Variants in PLXNB3 observed in about 807,000 individuals in gnomAD.
The protein encoded by PLXNB3 is plexin B3.
Under a neutral mutation model 125.7 loss-of-function variants are expected in PLXNB3, and 80 were observed. The ratio of observed to expected loss-of-function variants is 0.64; its 90% CI spans 0.53 to 0.77. PLXNB3 has a LOEUF of 0.77. Among genes scored for constraint, PLXNB3 ranks in the 30% least tolerant of loss-of-function variants. PLXNB3 has a pLI of 0.00. For synonymous variants in PLXNB3, 954 were observed against 783.3 expected, an observed-to-expected ratio of 1.22 and a Z score of -3.64; for missense variants, 1,836 against 1,729.3, an observed-to-expected ratio of 1.06 and a Z score of -1.09.
Position 153,771,566 on chromosome X carries a change from T to C in PLXNB3, c.2428T>C (p.Cys810Arg), listed in dbSNP as rs782570237. 2 of 1,208,835 alleles carry C rather than the reference T, an allele frequency of 1.7e-6. No homozygotes were observed. Among genetic ancestry groups the C allele is most frequent in the Admixed American group, 4.3e-5 (2 of 46,033 alleles). Residue 810 changes from cysteine to arginine, a missense_variant, in exon 14 of 36, where the codon TGT becomes CGT. By Grantham distance (180) the Cys-to-Arg change is radical (BLOSUM62 -3). Coordinates refer to ENST00000361971, the MANE Select transcript of PLXNB3 (RefSeq NM_005393.3). Reference protein sequence around the residue: ...AANRSLGCLWCADGQPACRYG... With the variant: ...AANRSLGCLWRADGQPACRYG... ...CAACAGGAGCCTGGGCTGCCTGTGG[T>C]GTGCTGACGGCCAGCCTGCCTGTCG...
chrX:153,765,620 G>A (rs1557058899), intron 2 of PLXNB3, 40 bp downstream of exon 2: 3 of 1,173,161 alleles, frequency 2.6e-6, no homozygotes, highest in Non-Finnish European at 3.4e-6. Flanking sequence ...ATGTTCCTGG[G>A]AGGGGCAGGG....
rs1557059469 is a variant in PLXNB3, at chrX:153,767,014, C to T, written c.187C>T (p.Arg63Ter). 5 of 1,210,818 alleles carry T rather than the reference C, an allele frequency of 4.1e-6. No homozygotes were observed. Among genetic ancestry groups the T allele is most frequent in the Non-Finnish European group, 1.1e-6 (1 of 895,472 alleles). The change falls in exon 3 of 36, where the codon CGA becomes TGA. Residue 63 changes from arginine to a stop codon, truncating the protein, a stop_gained. Transcript: ENST00000361971. LOFTEE classifies it high-confidence loss of function. ...TLNHLALAPGRGTLYVGAVNR... is the reference protein window; with the variant it reads ...TLNHLALAPG ...CAACCACTTGGCACTGGCACCTGGC[C>T]GAGGCACACTCTATGTCGGCGCAGT...
In PLXNB3 at chrX:153,776,979, G is replaced by C. The variant is rs191126455; in HGVS notation, c.4926G>C (p.Glu1642Asp). Residue 1642 changes from glutamate (E) to aspartate (D), a missense_variant and splice_region_variant, in exon 29 of 36, where the codon GAG (glutamate) becomes GAC (aspartate). Coordinates refer to ENST00000361971, the MANE Select transcript of PLXNB3 (RefSeq NM_005393.3). ...TGGCCCAGAGGTGCCCCTTGGGAGA[G>C]AGTGAGTCCCTCGGCCCTGACCTGG... ...QSLAQRCPLG[E>D]NIPTLEDGEE... is the part of the protein sequence containing the mutation. 39 of 1,164,002 alleles carry C rather than the reference G, an allele frequency of 3.4e-5. No homozygotes were observed. In the African/African-American group the frequency reaches 6.2e-4, roughly 18 times the overall value.
At position 153,769,077 on chromosome X, in the gene PLXNB3, G is replaced by A. The variant is rs782313185; in HGVS notation, c.1395+1G>A. ...CCTCTATGTCCTGACTGCCCACCAG[G>A]TGAGGGCCATCCTGGGGCTGAAGGG... On this transcript the variant is annotated splice_donor_variant, in intron 5 of 35. Transcript: ENST00000361971. LOFTEE classifies it high-confidence loss of function. The A allele has an allele frequency of 4.1e-6, 5 of 1,208,649 alleles. No homozygotes were observed. The highest frequency in any genetic ancestry group is 1.8e-5 in the South Asian group (1 of 56,755).
In PLXNB3 at chrX:153,767,872, G is replaced by A. The variant is rs1557059939; in HGVS notation, c.1045G>A (p.Val349Met). ...RGPSGAEEAT[V>M]EYGVTSRCVT... ...CCCCAGCGGCGCAGAGGAAGCCACC[G>A]TGGAGTACGGCGTCACGTCGCGCTG... The change falls in exon 3 of 36, where the codon GTG becomes ATG. Residue 349 changes from valine to methionine, a missense_variant. Transcript: ENST00000361971. The A allele has an allele frequency of 3.5e-5, 39 of 1,117,427 alleles. No homozygotes were observed. Among genetic ancestry groups the A allele is most frequent in the Non-Finnish European group, 4.3e-5 (37 of 850,763 alleles). The allele number at this position is 1,117,427 out of a possible 1,213,427, so 92.1% of individuals were successfully genotyped here. A position where few individuals can be genotyped will look rare whatever the true frequency, so the allele number is the denominator to read the frequency against.
rs781955740 is a variant in PLXNB3, at chrX:153,774,826, G to T, written c.3931+20G>T. ...TCACAGGTGGGTGCGGAGGCGGGGG[G>T]ACAGGGTACCCACGAGGCCTGAACT... On this transcript the variant is annotated intron_variant, in intron 23 of 35. Coordinates refer to ENST00000361971, the MANE Select transcript of PLXNB3 (RefSeq NM_005393.3). The T allele has an allele frequency of 8.3e-6, 10 of 1,208,748 alleles. No homozygotes were observed. Among genetic ancestry groups the T allele is most frequent in the South Asian group, 1.8e-5 (1 of 56,688 alleles).
chrX:153,766,426 G>T, intron 2 of PLXNB3: 1 of 1,074,673 alleles, frequency 9.3e-7, no homozygotes. Flanking sequence ...GCAGGGGCGC[G>T]CTGTGACACA....
chrX:153,767,657 TGGA>T lies in PLXNB3; in HGVS notation c.833_835del (p.Glu278del). On this transcript the variant is annotated inframe_deletion, in exon 3 of 36. Coordinates refer to ENST00000361971, the MANE Select transcript of PLXNB3 (RefSeq NM_005393.3). ...GGGGACACCAACCTGTACTCCTACG[TGGA>T]GGTCCCCCTCGCCTGCCAGGGCCAG... 3 of 1,194,583 alleles carry T rather than the reference TGGA, an allele frequency of 2.5e-6. No individual in the cohort carries two copies. Among genetic ancestry groups the T allele is most frequent in the Non-Finnish European group, 3.4e-6 (3 of 886,904 alleles).
At chrX:153,778,230 ATGCCT>A in intron 32 of PLXNB3, 26 bp from the exon 33 acceptor site, 2 of 1,201,585 alleles carry the variant, frequency 1.7e-6, no homozygotes, top group Non-Finnish European at 2.3e-6. Context: ...CTCCGAGCTC[ATGCCT>A]AGCGCCTCCC....
rs781863406 is a variant in PLXNB3 at position 153,778,485 on chromosome X, C to CG, written c.5550+20dup. 10 of 1,204,850 alleles carry CG rather than the reference C, an allele frequency of 8.3e-6. No homozygotes were observed. Among genetic ancestry groups the CG allele is most frequent in the African/African-American group, 1.7e-5 (1 of 57,598 alleles). On this transcript the variant is annotated intron_variant, in intron 34 of 35. Coordinates refer to ENST00000361971, the MANE Select transcript of PLXNB3 (RefSeq NM_005393.3). ...GAGCTCTCCGGGGTGAGGCATGGCC[C>CG]GGGGGGTGCGCCTGTCCACACGTGG...
At chrX:153,772,698 G>C in intron 16 of PLXNB3, 188 bp from the exon 17 acceptor site, 1 of 1,027,908 alleles carries the variant, frequency 9.7e-7, no homozygotes, top group Non-Finnish European at 1.2e-6. Context: ...CCATGCGGCA[G>C]GGGTGGGTGG....
Position 153,777,609 on chromosome X carries a change from C to G in PLXNB3, c.5182C>G (p.Leu1728Val), listed in dbSNP as rs1375236498. Residue 1728 changes from leucine to valine, a missense_variant, in exon 31 of 36, where the codon CTG becomes GTG. Physicochemically the swap from Leu to Val is conservative, Grantham distance 32. Transcript: ENST00000361971. ...NRPIPIAVKY[L>V]FDLLDELAEK... ...GCCCATCCCCATCGCCGTCAAGTAC[C>G]TGTTTGACCTTCTGGATGAGCTAGC... 3 of 1,211,648 alleles carry G rather than the reference C, an allele frequency of 2.5e-6. No homozygotes were observed. Among genetic ancestry groups the G allele is most frequent in the Admixed American group, 2.2e-5 (1 of 46,150 alleles).
rs2091965769 is a variant in PLXNB3, at chrX:153,774,561, C to T, written c.3820C>T (p.Leu1274Phe). The change falls in exon 22 of 36, where the codon CTC (leucine) becomes TTC (phenylalanine). Residue 1274 changes from leucine to phenylalanine, a missense_variant. Leu to Phe is a conservative substitution (Grantham distance 22, BLOSUM62 0). Transcript: ENST00000361971. ...GATTGCCGCCGTGCTCCTCCTCACC[C>T]TCATGTACAGGTGAGACCCGCCCAC... The part of the protein sequence containing the change: ...VLIAAVLLLT[L>F]MYRHKSKQAL... The T allele has an allele frequency of 8.3e-7, 1 of 1,202,121 alleles. No individual in the cohort carries two copies. Among genetic ancestry groups the T allele is most frequent in the Non-Finnish European group, 1.1e-6 (1 of 890,317 alleles).
At chrX:153,770,276 G>A in intron 8 of PLXNB3, 28 bp downstream of exon 8, 1 of 1,208,306 alleles carries the variant, frequency 8.3e-7, no homozygotes, top group Non-Finnish European at 1.1e-6. Flanking sequence ...TAGGGGGCTG[G>A]GATGGAGGCT....
At chrX:153,769,642 G>A (rs1334463321) in intron 6 of PLXNB3, among the ~76,000 whole-genome samples, 165 bp from the exon 7 acceptor site, 1 of 112,931 alleles carries the variant, frequency 8.9e-6, no homozygotes, top group Non-Finnish European at 1.9e-5. Context: ...TGGCCATGAG[G>A]CCCTGCCTGC....
At chrX:153,767,998 T>C in intron 3 of PLXNB3, 85 bp downstream of exon 3, 1 of 992,354 alleles carries the variant, frequency 1.0e-6, no homozygotes, top group Non-Finnish European at 1.3e-6. Context: ...CCATGGGAAG[T>C]GCCAGCCAAC....
rs1247754439 is a variant in PLXNB3 at position 153,773,100 on chromosome X, G to A, written c.2906+84G>A. The A allele has an allele frequency of 7.5e-6, 8 of 1,073,343 alleles. No homozygotes were observed. The Admixed American group carries it at 1.9e-4, about 25-fold the overall frequency. 88.5% of individuals were successfully genotyped at this position (1,073,343 alleles called of 1,213,427 possible). A position where few individuals can be genotyped will look rare whatever the true frequency, so the allele number is the denominator to read the frequency against. ...TGGTACATTTAGAGAAGTGGTTGCT[G>A]TGGCCACCCCCAGTGGTCCCTGCCC... On this transcript the variant is annotated intron_variant, in intron 17 of 35. Coordinates refer to ENST00000361971, the MANE Select transcript of PLXNB3 (RefSeq NM_005393.3).
Position 153,770,326 on chromosome X carries a change from G to A in PLXNB3, c.1787-12G>A, listed in dbSNP as rs2091913429. The A allele has an allele frequency of 1.7e-6, 2 of 1,203,846 alleles. No individual in the cohort carries two copies. Among genetic ancestry groups the A allele is most frequent in the Admixed American group, 2.2e-5 (1 of 45,711 alleles). ...CCACCTGACCTGTCCTGCCCCCACTGTCCCCTCCCAGACCACGTCACTGTG... is the reference window on the plus strand; with the variant it reads ...CCACCTGACCTGTCCTGCCCCCACTATCCCCTCCCAGACCACGTCACTGTG... On this transcript the variant is annotated splice_polypyrimidine_tract_variant and intron_variant, in intron 8 of 35. Transcript: ENST00000361971.
rs1235499566 is a variant in PLXNB3 at position 153,779,158 on chromosome X, G to A, written c.*119G>A. The stretch of plus-strand genomic sequence containing the variant: ...CCTGGGGGCACAGGGTGCAAAGCCA[G>A]GCACTGTGCCCAGCAGTGGGCTCCC... On this transcript the variant is annotated 3_prime_UTR_variant, in exon 36 of 36. Transcript: ENST00000361971. 2 of 483,682 alleles carry A rather than the reference G, an allele frequency of 4.1e-6. No individual in the cohort carries two copies. The highest frequency in any genetic ancestry group is 1.0e-4 in the South Asian group (2 of 19,187). The allele number at this position is 483,682 out of a possible 1,213,427, so 39.9% of individuals were successfully genotyped here.
Sources: allele counts gnomAD v4.1 joint callset (sites outside exome capture counted in the v4.1 genomes callset), GRCh38; gene constraint gnomAD v4.1.1; transcripts MANE v1.5; gene names NCBI Gene and HGNC (gene_info 2026-07-23, HGNC 2026-07-21).